Variants in XKR4 observed in about 807,000 individuals in gnomAD.
XKR4 encodes the protein XK-related protein 4.
XKR4 carries 12 observed loss-of-function variants against 53.9 expected under a neutral mutation model. That is an observed-to-expected ratio of 0.22 (90% CI 0.14 to 0.36). The LOEUF (loss-of-function observed/expected upper bound fraction) is 0.36. XKR4 is among the 10% of genes least tolerant of loss of function. The pLI, the probability that XKR4 is intolerant of heterozygous loss-of-function variation, is 1.00. For missense variants in XKR4, 799 were observed against 859.5 expected (o/e 0.93, Z 0.88); for synonymous variants, 354 against 362.4 (o/e 0.98, Z 0.26).
intron 1 of XKR4, among the ~76,000 whole-genome samples, chr8:55,315,118 T>C (rs1214916081): frequency 2.6e-5 from 4 of 152,244 alleles, no homozygotes; most frequent in African/African-American, 4.8e-5. Context: ...TGTGTCAACT[T>C]GATACCTGAG....
intron 1 of XKR4, among the ~76,000 whole-genome samples, chr8:55,112,125 C>T (rs1302117407): frequency 2.0e-5 from 3 of 152,158 alleles, no homozygotes; most frequent in African/African-American, 4.8e-5. Context: ...TTTTAAAAAC[C>T]TTAAGCATCC....
At chr8:55,425,400 C>G (rs185528382) in intron 2 of XKR4, among the ~76,000 whole-genome samples, 1 of 77,758 alleles carries the variant, frequency 1.3e-5, no homozygotes, top group Non-Finnish European at 3.6e-5. Context: ...TTTCATTCAA[C>G]GCACTCTCGT....
chr8:55,208,160 C>T (rs1261893666), intron 1 of XKR4, among the ~76,000 whole-genome samples: 1 of 152,108 alleles, frequency 6.6e-6, no homozygotes. Flanking sequence ...ACAGAGTTAC[C>T]TTTTTGTATG....
chr8:55,336,785 G>A (rs750645168), intron 1 of XKR4, among the ~76,000 whole-genome samples: 3 of 152,010 alleles, frequency 2.0e-5, no homozygotes, highest in Non-Finnish European at 4.4e-5. Flanking sequence ...ACAATTTTGG[G>A]GGGTACACTA....
chr8:55,310,952 C>A (rs1819379186), intron 1 of XKR4, among the ~76,000 whole-genome samples: 1 of 152,230 alleles, frequency 6.6e-6, no homozygotes, highest in Non-Finnish European at 1.5e-5. Flanking sequence ...CCCTCAGCAT[C>A]ATCTCCACCT....
intron 1 of XKR4, among the ~76,000 whole-genome samples, chr8:55,116,255 C>T (rs1270916928): frequency 3.3e-5 from 5 of 152,084 alleles, no homozygotes; most frequent in African/African-American, 2.4e-5. Context: ...TGTATCTACA[C>T]GGAGAAAGAA....
intron 1 of XKR4, among the ~76,000 whole-genome samples, chr8:55,341,088 G>A (rs1006002868): frequency 6.6e-5 from 10 of 152,116 alleles, no homozygotes; most frequent in African/African-American, 1.2e-4. Flanking sequence ...GGGGTGCTGC[G>A]GGGAACCTGT....
At chr8:55,313,585 C>T (rs1819417094) in intron 1 of XKR4, among the ~76,000 whole-genome samples, 1 of 152,156 alleles carries the variant, frequency 6.6e-6, no homozygotes, top group Admixed American at 6.5e-5. Context: ...GGGGTGTCTA[C>T]TTGTTCAGTC....
chr8:55,496,855 A>T (rs1379378683), intron 2 of XKR4, among the ~76,000 whole-genome samples: 2 of 152,234 alleles, frequency 1.3e-5, no homozygotes, highest in Non-Finnish European at 2.9e-5. Flanking sequence ...AGAAAGTACC[A>T]TTTAACAGAT....
At chr8:55,379,573 C>T (rs937283384) in intron 2 of XKR4, among the ~76,000 whole-genome samples, 1 of 152,252 alleles carries the variant, frequency 6.6e-6, no homozygotes. Flanking sequence ...GTGATTACAA[C>T]AAATGCGCTC....
At chr8:55,270,066 C>T (rs977615543) in intron 1 of XKR4, among the ~76,000 whole-genome samples, 2 of 152,188 alleles carry the variant, frequency 1.3e-5, no homozygotes, top group African/African-American at 2.4e-5. Flanking sequence ...ATCCTCACTA[C>T]GTCACAGGCC....
At chr8:55,178,919 A>G (rs149480128) in intron 1 of XKR4, among the ~76,000 whole-genome samples, 1 of 152,300 alleles carries the variant, frequency 6.6e-6, no homozygotes, top group African/African-American at 2.4e-5. Context: ...TCAGTAGCAG[A>G]GAATTCAGAA....
intron 2 of XKR4, among the ~76,000 whole-genome samples, chr8:55,431,569 AC>A (rs2129393604): frequency 6.6e-6 from 1 of 152,318 alleles, no homozygotes; most frequent in South Asian, 2.1e-4. Flanking sequence ...AAATGTATAA[AC>A]CTGTGTTTAT....
In XKR4 at chr8:55,326,147, A is replaced by G. The variant is rs545837143; in HGVS notation, c.807-31531A>G. On this transcript the variant is annotated intron_variant, in intron 1 of 2. Coordinates refer to ENST00000327381, the MANE Select transcript of XKR4 (RefSeq NM_052898.2). ...ATGAGGGGTATTTTGGAAGATAAAT[A>G]CAGAGGAAAGAATACCGGAGACAGG... Among the ~76,000 whole-genome samples, 8 of 152,320 alleles carry G rather than the reference A, an allele frequency of 5.3e-5. No homozygotes were observed. The East Asian group carries it at 1.4e-3, about 26-fold the overall frequency.
At chr8:55,425,284 T>G (rs559248632) in intron 2 of XKR4, among the ~76,000 whole-genome samples, 2 of 152,320 alleles carry the variant, frequency 1.3e-5, no homozygotes, top group African/African-American at 4.8e-5. Flanking sequence ...CCACAAAAAA[T>G]GTAGCATCAA....
chr8:55,344,052 TG>T (rs1193396517), intron 1 of XKR4, among the ~76,000 whole-genome samples: 1 of 152,152 alleles, frequency 6.6e-6, no homozygotes, highest in African/African-American at 2.4e-5. Context: ...AATCAATCCC[TG>T]TGATGTGCAC....
chr8:55,258,692 A>G (rs1441532045), intron 1 of XKR4, among the ~76,000 whole-genome samples: 1 of 152,238 alleles, frequency 6.6e-6, no homozygotes, highest in African/African-American at 2.4e-5. Flanking sequence ...AATTAAAAGC[A>G]TCATCATTTA....
chr8:55,125,660 TAAACAC>T (rs1172663632), intron 1 of XKR4, among the ~76,000 whole-genome samples: 2 of 152,118 alleles, frequency 1.3e-5, no homozygotes, highest in Non-Finnish European at 2.9e-5. Flanking sequence ...TGCAATATAT[TAAACAC>T]AAAAGCCTAT....
At chr8:55,299,501 A>C (rs1474854621) in intron 1 of XKR4, among the ~76,000 whole-genome samples, 1 of 152,208 alleles carries the variant, frequency 6.6e-6, no homozygotes, top group Admixed American at 6.5e-5. Context: ...TCAAGGACAT[A>C]ATAATGTTTG....
Sources: gnomAD v4.1 joint callset for allele counts (sites outside exome capture counted in the v4.1 genomes callset) on GRCh38, gnomAD v4.1.1 for gene constraint, MANE v1.5 for transcripts, NCBI Gene and HGNC (gene_info 2026-07-23, HGNC 2026-07-21) for gene names.